The following COG4 variants were observed in gnomAD, a reference collection of about 807,000 sequenced individuals.
COG4 encodes the protein conserved oligomeric Golgi complex subunit 4.
COG4 carries 65 observed loss-of-function variants against 95.1 expected under a neutral mutation model. The observed-to-expected ratio is 0.68, with a 90% CI of 0.56 to 0.84. The LOEUF (loss-of-function observed/expected upper bound fraction) is 0.84, where lower values mean the gene tolerates loss of function less well. Among genes scored for constraint, COG4 ranks in the 40% least tolerant of loss-of-function variants. The pLI, the probability that COG4 is intolerant of heterozygous loss-of-function variation, is 0.00. For synonymous variants in COG4, 421 were observed against 374.8 expected (o/e 1.12, Z -1.42); for missense variants, 1,045 against 989.1 (o/e 1.06, Z -0.76).
In COG4 at chr16:70,481,450, A is replaced by C. The variant is rs1173143878; in HGVS notation, c.2144T>G (p.Leu715Arg). 1.9e-6 allele frequency: 3 copies of C among 1,612,896 alleles called. No individual in the cohort carries two copies. Among genetic ancestry groups the C allele is most frequent in the African/African-American group, 1.3e-5 (1 of 74,838 alleles). ...GGTCACCGTGGTAAGGTAGGCAATG[A>C]GCGACCTCAGCTCCTTGTCAAACTG... ...GLQFDKELRSLIAYLTTVTTW... is the reference protein window; with the variant it reads ...GLQFDKELRSRIAYLTTVTTW... The change falls in exon 18 of 19, where the codon CTC becomes CGC. Residue 715 changes from leucine (L) to arginine (R), a missense_variant. Physicochemically the swap from Leu to Arg is moderately radical, Grantham distance 102. Coordinates refer to ENST00000323786, the MANE Select transcript of COG4 (RefSeq NM_015386.3).
intron 1 of COG4, chr16:70,523,140 T>C (rs2049988342): frequency 1.7e-6 from 1 of 576,326 alleles, no homozygotes; most frequent in Non-Finnish European, 3.1e-6. Context: ...AACGGGGGTC[T>C]AGGGAGGAGA....
rs1668644344 is a variant in COG4, at chr16:70,497,937, CTTA to C, written c.1311_1313del (p.Asn437del). 2 of 1,551,706 alleles carry C rather than the reference CTTA, an allele frequency of 1.3e-6. No homozygotes were observed. The highest frequency in any genetic ancestry group is 1.8e-6 in the Non-Finnish European group (2 of 1,123,424). ...CCAAGAGATGCGTCCTATGTCCTAC[CTTA>C]TTGACAGTCTCCCTCATGAAGTACT... On this transcript the variant is annotated inframe_deletion and splice_region_variant, in exon 10 of 19. Coordinates refer to ENST00000323786, the MANE Select transcript of COG4 (RefSeq NM_015386.3).
rs765634698 is a variant in COG4, at chr16:70,510,029, A to G, written c.739-8T>C. 1 of 1,610,782 alleles carries G rather than the reference A, an allele frequency of 6.2e-7. No individual in the cohort carries two copies. Among genetic ancestry groups the G allele is most frequent in the Admixed American group, 1.7e-5 (1 of 59,994 alleles). Reference sequence around the variant, plus strand: ...CTCAGCTTTACTGGCCACCTAAAAAAGGAGAAAACCCACACACATTCCTCA... The same window carrying G: ...CTCAGCTTTACTGGCCACCTAAAAAGGGAGAAAACCCACACACATTCCTCA... On this transcript the variant is annotated splice_polypyrimidine_tract_variant and splice_region_variant and intron_variant, in intron 5 of 18. Transcript: ENST00000323786.
intron 1 of COG4, among the ~76,000 whole-genome samples, chr16:70,522,159 G>A (rs1369768617): frequency 1.3e-5 from 2 of 151,826 alleles, no homozygotes; most frequent in Non-Finnish European, 2.9e-5. Context: ...CACCACACCC[G>A]GCTAGTTTTG....
chr16:70,491,889 A>G (rs2049252733), intron 12 of COG4, among the ~76,000 whole-genome samples: 1 of 152,124 alleles, frequency 6.6e-6, no homozygotes, highest in South Asian at 2.1e-4. Context: ...TGATTCAGCA[A>G]ATATTTACTG....
chr16:70,486,583 T>G (rs1311014077), intron 13 of COG4, among the ~76,000 whole-genome samples: 4 of 152,230 alleles, frequency 2.6e-5, no homozygotes, highest in Non-Finnish European at 5.9e-5. Flanking sequence ...GCTATTTTAC[T>G]TGGCTAATTC....
At chr16:70,522,345 C>CT (rs2049966306) in intron 1 of COG4, among the ~76,000 whole-genome samples, 1 of 152,142 alleles carries the variant, frequency 6.6e-6, no homozygotes, top group African/African-American at 2.4e-5. Context: ...AAAAAAGCCC[C>CT]ACACACTAAA....
rs913181961 is a variant in COG4, at chr16:70,509,042, A to G, written c.1002+189T>C. On this transcript the variant is annotated intron_variant, in intron 7 of 18. Coordinates refer to ENST00000323786, the MANE Select transcript of COG4 (RefSeq NM_015386.3). Reference sequence around the variant, plus strand: ...GTTTTGGTCTTGAACTGAGGCCATCATCATCTCGACAACACCTCAAGTCCA... The same window carrying G: ...GTTTTGGTCTTGAACTGAGGCCATCGTCATCTCGACAACACCTCAAGTCCA... The G allele has an allele frequency of 1.6e-5, 11 of 705,366 alleles. No homozygotes were observed. The Admixed American group carries it at 2.4e-4, about 15-fold the overall frequency. The allele number at this position is 705,366 out of a possible 1,614,324, so 43.7% of individuals were successfully genotyped here.
intron 8 of COG4, among the ~76,000 whole-genome samples, chr16:70,503,936 C>T (rs1163856941): frequency 6.6e-6 from 1 of 152,176 alleles, no homozygotes; most frequent in Non-Finnish European, 1.5e-5. Flanking sequence ...AGGTCATTTC[C>T]TCAGGAATTA....
chr16:70,520,088 G>A (rs1281712250), intron 1 of COG4, among the ~76,000 whole-genome samples: 2 of 151,962 alleles, frequency 1.3e-5, no homozygotes, highest in East Asian at 3.9e-4. Flanking sequence ...GATCACCTGA[G>A]GTCAGGAGTT....
At chr16:70,515,146 C>A (rs2049796458) in intron 3 of COG4, among the ~76,000 whole-genome samples, 1 of 151,856 alleles carries the variant, frequency 6.6e-6, no homozygotes, top group African/African-American at 2.4e-5. Flanking sequence ...CTCCCAAATA[C>A]CTGGGATTAC....
chr16:70,494,187 C>T (rs1336151693), intron 12 of COG4, among the ~76,000 whole-genome samples: 1 of 152,188 alleles, frequency 6.6e-6, no homozygotes, highest in Non-Finnish European at 1.5e-5. Context: ...CCTGTCCTGA[C>T]AGCTGAAGGA....
intron 5 of COG4, among the ~76,000 whole-genome samples, chr16:70,510,334 A>G (rs1324439268): frequency 6.6e-6 from 1 of 152,150 alleles, no homozygotes; most frequent in Non-Finnish European, 1.5e-5. Context: ...TTATTTTTTA[A>G]AATAAGACAG....
chr16:70,519,120 C>CTTTTTTTTTTTTTTT (rs779941972), intron 2 of COG4, among the ~76,000 whole-genome samples: 1 of 87,836 alleles, frequency 1.1e-5, no homozygotes, highest in African/African-American at 1.3e-4. Context: ...ATTTGCATTT[C>CTTTTTTTTTTTTTTT]TTTTTTTTTT....
At chr16:70,509,426 T>G (rs756317736) in intron 6 of COG4, 38 bp from the exon 7 acceptor site, 2 of 1,612,456 alleles carry the variant, frequency 1.2e-6, no homozygotes, top group African/African-American at 2.7e-5. Flanking sequence ...ATTCCAAGTA[T>G]TCTTCCTACA....
intron 12 of COG4, among the ~76,000 whole-genome samples, chr16:70,490,654 G>A (rs1316253522): frequency 1.3e-5 from 2 of 152,102 alleles, no homozygotes; most frequent in Non-Finnish European, 2.9e-5. Context: ...CAGAGGTAGT[G>A]AGCTCAGGTT....
intron 4 of COG4, among the ~76,000 whole-genome samples, chr16:70,513,949 T>C (rs1165937611): frequency 1.3e-5 from 2 of 152,166 alleles, no homozygotes; most frequent in African/African-American, 4.8e-5. Flanking sequence ...AGCTTACACC[T>C]GTAATCCCAG....
At chr16:70,496,713 G>A (rs761352603) in intron 11 of COG4, among the ~76,000 whole-genome samples, 11 of 152,152 alleles carry the variant, frequency 7.2e-5, no homozygotes, top group African/African-American at 2.2e-4. Flanking sequence ...AAAGCTGTGC[G>A]GCTTAGTGAA....
chr16:70,482,315 G>T, intron 15 of COG4, 140 bp from the exon 16 acceptor site: 1 of 717,990 alleles, frequency 1.4e-6, no homozygotes, highest in Non-Finnish European at 2.5e-6. Context: ...TTTAAAACCA[G>T]CTCAGACACC....
Sources: allele counts gnomAD v4.1 joint callset (sites outside exome capture counted in the v4.1 genomes callset), GRCh38; gene constraint gnomAD v4.1.1; transcripts MANE v1.5; gene names NCBI Gene and HGNC (gene_info 2026-07-23, HGNC 2026-07-21).